Variants in NPAS3 observed in about 807,000 individuals in gnomAD.
NPAS3 encodes the protein neuronal PAS domain protein 3.
In NPAS3, 14 loss-of-function variants were observed where a neutral mutation model predicts 73.1. That is an observed-to-expected ratio of 0.19 (90% confidence interval 0.13 to 0.30). NPAS3 has a LOEUF of 0.30. Among genes scored for constraint, NPAS3 ranks in the 10% least tolerant of loss-of-function variants. The probability of loss-of-function intolerance (pLI) is 1.00; values close to 1 mark genes in which losing one functional copy is unlikely to be tolerated. For synonymous variants in NPAS3, 620 were observed against 541.5 expected (o/e 1.14, Z -2.01); for missense variants, 1,096 against 1,250.0 (o/e 0.88, Z 1.86).
chr14:32,968,514 A>T (rs17453129), intron 1 of NPAS3, among the ~76,000 whole-genome samples: 17,893 of 152,212 alleles, frequency 0.12, 1,081 homozygotes, highest in South Asian at 0.15. Flanking sequence ...ATATCAATGA[A>T]TTCATCAGTT....
intron 8 of NPAS3, among the ~76,000 whole-genome samples, chr14:33,777,639 T>A (rs1364841636): frequency 6.6e-6 from 1 of 151,998 alleles, no homozygotes; most frequent in African/African-American, 2.4e-5. Flanking sequence ...CCAAAAGGAA[T>A]CTGCACTTGG....
chr14:33,481,804 G>A (rs2051338512), intron 4 of NPAS3, among the ~76,000 whole-genome samples: 1 of 152,068 alleles, frequency 6.6e-6, no homozygotes, highest in Admixed American at 6.6e-5. Flanking sequence ...AAAAAAATAG[G>A]AGGTGGTTTG....
intron 3 of NPAS3, among the ~76,000 whole-genome samples, chr14:33,305,235 C>T (rs1461109233): frequency 6.6e-6 from 1 of 151,982 alleles, no homozygotes; most frequent in African/African-American, 2.4e-5. Context: ...TTATTTTTCA[C>T]TAGATTATTA....
chr14:33,658,618 G>A (rs550329189), intron 5 of NPAS3, among the ~76,000 whole-genome samples: 1 of 152,194 alleles, frequency 6.6e-6, no homozygotes, highest in Admixed American at 6.5e-5. Context: ...GGTATCCCAG[G>A]GACTCCTTAA....
intron 6 of NPAS3, among the ~76,000 whole-genome samples, chr14:33,721,901 A>T (rs972591365): frequency 2.0e-5 from 3 of 152,184 alleles, no homozygotes; most frequent in Non-Finnish European, 4.4e-5. Flanking sequence ...AATAAAATGG[A>T]GAAATGGGCA....
intron 5 of NPAS3, among the ~76,000 whole-genome samples, chr14:33,641,466 C>A (rs1224512014): frequency 1.3e-5 from 2 of 152,166 alleles, no homozygotes; most frequent in East Asian, 3.9e-4. Flanking sequence ...AAATTTAACT[C>A]TTAAGTTTGT....
At chr14:33,078,308 C>A (rs949253689) in intron 2 of NPAS3, among the ~76,000 whole-genome samples, 6 of 151,982 alleles carry the variant, frequency 3.9e-5, no homozygotes, top group Admixed American at 2.6e-4. Context: ...TTCGTAATAC[C>A]CAAGTATTTC....
intron 5 of NPAS3, among the ~76,000 whole-genome samples, chr14:33,672,677 C>T (rs995003740): frequency 6.7e-6 from 1 of 149,064 alleles, no homozygotes; most frequent in African/African-American, 2.5e-5. Context: ...TAGTCTGTCT[C>T]ACCTGGTGAG....
At chr14:32,971,701 A>G (rs2037431091) in intron 1 of NPAS3, among the ~76,000 whole-genome samples, 1 of 152,102 alleles carries the variant, frequency 6.6e-6, no homozygotes, top group East Asian at 1.9e-4. Flanking sequence ...GAGGACTAAT[A>G]TCCATATATA....
At chr14:33,383,376 G>A (rs1171981496) in intron 4 of NPAS3, among the ~76,000 whole-genome samples, 1 of 152,060 alleles carries the variant, frequency 6.6e-6, no homozygotes, top group African/African-American at 2.4e-5. Context: ...GTTTTGGGCA[G>A]CATTATTAAA....
intron 6 of NPAS3, among the ~76,000 whole-genome samples, chr14:33,694,233 T>G (rs1034874111): frequency 6.6e-6 from 1 of 152,144 alleles, no homozygotes; most frequent in African/African-American, 2.4e-5. Context: ...TTAAAAAAAG[T>G]TTTATTCAAT....
intron 2 of NPAS3, among the ~76,000 whole-genome samples, chr14:33,139,473 G>A (rs1195071297): frequency 2.0e-5 from 3 of 152,138 alleles, no homozygotes; most frequent in Non-Finnish European, 4.4e-5. Flanking sequence ...TTATATCATT[G>A]GAGTGTATTG....
chr14:33,265,834 A>G (rs940503369), intron 3 of NPAS3, among the ~76,000 whole-genome samples: 14 of 152,236 alleles, frequency 9.2e-5, no homozygotes, highest in African/African-American at 2.4e-4. Flanking sequence ...CTGATAGTCT[A>G]TCATTAGATT....
intron 4 of NPAS3, among the ~76,000 whole-genome samples, chr14:33,470,900 T>G (rs1221612249): frequency 1.4e-5 from 2 of 145,180 alleles, no homozygotes; most frequent in Non-Finnish European, 3.0e-5. Flanking sequence ...CTTGAGAAAC[T>G]CACAAGCTGA....
intron 5 of NPAS3, among the ~76,000 whole-genome samples, chr14:33,652,148 CTG>C (rs1387434462): frequency 5.3e-5 from 8 of 152,142 alleles, no homozygotes; most frequent in Admixed American, 2.0e-4. Flanking sequence ...AATATGAAAA[CTG>C]TGAGTCACTG....
At chr14:33,072,183 G>C (rs564813808) in intron 2 of NPAS3, among the ~76,000 whole-genome samples, 2 of 152,148 alleles carry the variant, frequency 1.3e-5, no homozygotes, top group Non-Finnish European at 2.9e-5. Flanking sequence ...GAGCCACTGC[G>C]CCTGGCCAGA....
chr14:33,391,238 G>A (rs960587101), intron 4 of NPAS3, among the ~76,000 whole-genome samples: 2 of 132,854 alleles, frequency 1.5e-5, no homozygotes, highest in African/African-American at 2.9e-5. Context: ...TTGTTGCCCA[G>A]GCTGGAGTGC....
intron 5 of NPAS3, among the ~76,000 whole-genome samples, chr14:33,589,366 C>T (rs17101583): frequency 0.021 from 3,233 of 152,272 alleles, 119 homozygotes; most frequent in African/African-American, 0.074. Flanking sequence ...GAAGCTAGTA[C>T]AGCCAGAACA....
intron 3 of NPAS3, among the ~76,000 whole-genome samples, chr14:33,302,054 A>G (rs1470921217): frequency 2.0e-5 from 3 of 152,176 alleles, no homozygotes; most frequent in East Asian, 1.9e-4. Context: ...ATTCACCAAT[A>G]TATCTCAGCA....
Sources: gnomAD v4.1 joint callset for allele counts (sites outside exome capture counted in the v4.1 genomes callset) on GRCh38, gnomAD v4.1.1 for gene constraint, MANE v1.5 for transcripts, NCBI Gene and HGNC (gene_info 2026-07-23, HGNC 2026-07-21) for gene names.